Variants in PDE1A observed in about 807,000 individuals in gnomAD.
PDE1A encodes dual specificity calcium/calmodulin-dependent 3',5'-cyclic nucleotide phosphodiesterase 1A.
In PDE1A, 35 loss-of-function variants were observed where a neutral mutation model predicts 61.7. The ratio of observed to expected loss-of-function variants is 0.57; its 90% CI spans 0.43 to 0.75. The LOEUF (loss-of-function observed/expected upper bound fraction) is 0.75, where lower values mean the gene tolerates loss of function less well. Ranked by LOEUF, PDE1A falls within the 30% of genes least tolerant of loss-of-function variation. PDE1A has a pLI of 0.00. For missense variants in PDE1A, 597 were observed against 630.6 expected (o/e 0.95, Z 0.57); for synonymous variants, 232 against 213.2 (o/e 1.09, Z -0.77).
intron 2 of PDE1A, among the ~76,000 whole-genome samples, chr2:182,455,478 T>C (rs1353341197): frequency 1.3e-5 from 2 of 152,066 alleles, no homozygotes; most frequent in African/African-American, 2.4e-5. Flanking sequence ...TGCGGCACTA[T>C]TCACAATAGC....
At chr2:182,577,931 C>CGGAAGGAAGGAGGGAA in the PDE1A span, among the ~76,000 whole-genome samples, 1 of 82,200 alleles carries the variant, frequency 1.2e-5, no homozygotes, top group East Asian at 3.4e-4. Context: ...AGAAAGAAAA[C>CGGAAGGAAGGAGGGAA]GGAAGGAAGG....
At chr2:182,353,507 G>A (rs1699007923) in intron 1 of PDE1A, among the ~76,000 whole-genome samples, 1 of 151,910 alleles carries the variant, frequency 6.6e-6, no homozygotes, top group Admixed American at 6.6e-5. Context: ...ATTATCTGTG[G>A]AAAACAGATA....
At chr2:182,155,084 C>CT (rs11375672) in intron 13 of PDE1A, among the ~76,000 whole-genome samples, 72,545 of 111,504 alleles carry the variant, frequency 0.65, 24,044 homozygotes, top group East Asian at 0.86. Flanking sequence ...TTTAATTCTG[C>CT]TTTTTTTTTT....
intron 1 of PDE1A, among the ~76,000 whole-genome samples, chr2:182,365,728 A>G (rs1046031522): frequency 6.6e-6 from 1 of 151,892 alleles, no homozygotes; most frequent in Admixed American, 6.6e-5. Flanking sequence ...AAATGTGCTG[A>G]CCCATCCCAG....
intron 1 of PDE1A, among the ~76,000 whole-genome samples, chr2:182,387,695 T>C (rs1045524918): frequency 6.6e-6 from 1 of 151,656 alleles, no homozygotes; most frequent in African/African-American, 2.4e-5. Flanking sequence ...AGGTGGAGGT[T>C]GCAGTGAGCC....
chr2:182,162,476 T>C (rs1691435005), intron 13 of PDE1A, among the ~76,000 whole-genome samples: 1 of 152,186 alleles, frequency 6.6e-6, no homozygotes, highest in African/African-American at 2.4e-5. Context: ...AACTCAAATC[T>C]TGACAACAGG....
intron 8 of PDE1A, among the ~76,000 whole-genome samples, chr2:182,203,838 G>A (rs1336538372): frequency 6.6e-6 from 1 of 151,814 alleles, no homozygotes; most frequent in African/African-American, 2.4e-5. Context: ...TTAATTCTTA[G>A]TAAAATGTTA....
chr2:182,474,492 A>C (rs16823277), intron 2 of PDE1A, among the ~76,000 whole-genome samples: 10,429 of 151,924 alleles, frequency 0.069, 1,164 homozygotes, highest in African/African-American at 0.24. Flanking sequence ...CATAATTAGC[A>C]TGTGATCTTG....
the PDE1A span, among the ~76,000 whole-genome samples, chr2:182,653,456 A>G: frequency 8.5e-5 from 13 of 152,272 alleles, no homozygotes; most frequent in African/African-American, 3.1e-4. Flanking sequence ...CTATTTGGCC[A>G]TACACTTGCT....
intron 13 of PDE1A, among the ~76,000 whole-genome samples, chr2:182,176,000 T>A (rs1381203892): frequency 6.8e-6 from 1 of 147,746 alleles, no homozygotes; most frequent in Non-Finnish European, 1.5e-5. Context: ...GTTGTAGATA[T>A]GCGGCGTTAT....
At chr2:182,617,386 G>A in the PDE1A span, among the ~76,000 whole-genome samples, 1 of 152,180 alleles carries the variant, frequency 6.6e-6, no homozygotes, top group East Asian at 1.9e-4. Flanking sequence ...AGGATAACTG[G>A]AAGCTCATGC....
At chr2:182,147,437 C>T (rs1031499110) in intron 13 of PDE1A, among the ~76,000 whole-genome samples, 2 of 152,130 alleles carry the variant, frequency 1.3e-5, no homozygotes. Flanking sequence ...TATTAAATCC[C>T]ATGTAAAAAA....
chr2:182,351,313 C>T (rs374031563), intron 1 of PDE1A, among the ~76,000 whole-genome samples: 3 of 152,140 alleles, frequency 2.0e-5, no homozygotes, highest in Admixed American at 6.5e-5. Flanking sequence ...ATGCTTACAC[C>T]TTCTGGTACA....
chr2:182,389,739 C>T (rs928941357), intron 1 of PDE1A, among the ~76,000 whole-genome samples: 1 of 152,016 alleles, frequency 6.6e-6, no homozygotes, highest in Non-Finnish European at 1.5e-5. Context: ...ACATTCCAGT[C>T]GGTGGATTGG....
rs183736234 is a variant in PDE1A, at chr2:182,335,187, C to T, written c.54-70773G>A. ...AATCAATATCATGAAAATGGCCATA[C>T]TGCCCTAGGTAATTTATAAGTTCAA... On this transcript the variant is annotated intron_variant, in intron 1 of 13. Coordinates refer to ENST00000351439, the Ensembl canonical transcript of PDE1A. Among the ~76,000 whole-genome samples the T allele has an allele frequency of 2.0e-5, 3 of 152,282 alleles. No homozygotes were observed. The East Asian group carries it at 5.8e-4, about 29-fold the overall frequency.
At chr2:182,524,818 T>A (rs1472666284), upstream of PDE1A, among the ~76,000 whole-genome samples, 1 of 151,968 alleles carries the variant, frequency 6.6e-6, no homozygotes, top group Non-Finnish European at 1.5e-5. Context: ...CCAATTTGTA[T>A]GTCCCTCATT....
chr2:182,166,799 T>A (rs771798361), downstream of PDE1A, among the ~76,000 whole-genome samples: 52 of 152,196 alleles, frequency 3.4e-4, no homozygotes, highest in Non-Finnish European at 6.6e-4. Flanking sequence ...GAAATAAATA[T>A]ACTTATTTGT....
intron 1 of PDE1A, among the ~76,000 whole-genome samples, chr2:182,420,916 T>C (rs755604484): frequency 2.2e-4 from 34 of 152,190 alleles, no homozygotes; most frequent in Non-Finnish European, 4.1e-4. Flanking sequence ...CGTAATCAAA[T>C]ACATAAATAA....
the PDE1A span, among the ~76,000 whole-genome samples, chr2:182,675,482 T>C: frequency 6.6e-6 from 1 of 152,310 alleles, no homozygotes; most frequent in Non-Finnish European, 1.5e-5. Context: ...AATAATGAGA[T>C]TGCTGGGTCA....
Sources: allele counts gnomAD v4.1 joint callset (sites outside exome capture counted in the v4.1 genomes callset), GRCh38; gene constraint gnomAD v4.1.1; transcripts MANE v1.5; gene names NCBI Gene and HGNC (gene_info 2026-07-23, HGNC 2026-07-21).